NAV1: variants seen among roughly 807,000 people sequenced by gnomAD.
NAV1 encodes pore membrane and/or filament interacting like protein 3.
In NAV1, 18 loss-of-function variants were observed where a neutral mutation model predicts 175.2. The observed-to-expected ratio is 0.10, with a 90% CI of 0.07 to 0.15. The LOEUF is 0.15. Among genes scored for constraint, NAV1 ranks in the 10% least tolerant of loss-of-function variants. The pLI is 1.00. For synonymous variants in NAV1, 897 were observed against 978.7 expected (o/e 0.92, Z 1.56); for missense variants, 1,731 against 2,436.6 (o/e 0.71, Z 6.10).
At position 201,718,334 on chromosome 1, in the gene NAV1, C is replaced by A; in HGVS notation, c.861-56C>A. 6.8e-7 allele frequency: 1 copy of A among 1,460,688 alleles called. No individual in the cohort carries two copies. Among genetic ancestry groups the A allele is most frequent in the Non-Finnish European group, 9.1e-7 (1 of 1,104,846 alleles). The allele number at this position is 1,460,688 out of a possible 1,614,324, so 90.5% of individuals were successfully genotyped here. On this transcript the variant is annotated intron_variant, in intron 2 of 29. Coordinates refer to ENST00000367296, the Ensembl canonical transcript of NAV1. The surrounding 1 kb of genome is among the most constrained non-coding windows in gnomAD (Gnocchi z 4.8). ...CATTGCTGGGGTGCATGTGAGGGGACAGGGCACACGGCGGCTGTGCCAAGG... is the reference window on the plus strand; with the variant it reads ...CATTGCTGGGGTGCATGTGAGGGGAAAGGGCACACGGCGGCTGTGCCAAGG...
intron 3 of NAV1, among the ~76,000 whole-genome samples, chr1:201,742,697 A>C (rs1410837423): frequency 2.6e-5 from 4 of 152,152 alleles, no homozygotes; most frequent in African/African-American, 9.7e-5. Flanking sequence ...CACTCAACCC[A>C]CAGAGACTCC....
chr1:201,709,579 T>G (rs1246734969), intron 1 of NAV1, among the ~76,000 whole-genome samples: 2 of 151,924 alleles, frequency 1.3e-5, no homozygotes, highest in Non-Finnish European at 2.9e-5. Context: ...GAAGCCAGAC[T>G]TACCAGGGGC....
At chr1:201,628,883 G>A (rs545601694) in intron 1 of NAV1, among the ~76,000 whole-genome samples, 1 of 152,272 alleles carries the variant, frequency 6.6e-6, no homozygotes, top group Admixed American at 6.5e-5. Context: ...GATTGCAGCT[G>A]AGCCTACTCC....
At chr1:201,614,131 T>A (rs1168105509) in intron 2 of NAV1, among the ~76,000 whole-genome samples, 1 of 152,120 alleles carries the variant, frequency 6.6e-6, no homozygotes, top group Non-Finnish European at 1.5e-5. Context: ...CTGTGCAGTG[T>A]CCGTATCTCA....
intron 2 of NAV1, among the ~76,000 whole-genome samples, chr1:201,714,411 C>T (rs953688887): frequency 6.6e-6 from 1 of 152,208 alleles, no homozygotes; most frequent in Non-Finnish European, 1.5e-5. Context: ...CCCTTTACTC[C>T]CAGACATCTC....
intron 2 of NAV1, among the ~76,000 whole-genome samples, chr1:201,640,144 A>C (rs1311976976): frequency 6.6e-6 from 1 of 152,174 alleles, no homozygotes; most frequent in Non-Finnish European, 1.5e-5. Flanking sequence ...ATAGACAGGA[A>C]GACAATAAAT....
chr1:201,664,907 G>T lies in NAV1; in HGVS notation c.757+15482G>T, dbSNP rs193275987. 1.1e-3 allele frequency among the ~76,000 whole-genome samples: 163 copies of T among 152,192 alleles called. 2 individuals carry two copies. Among genetic ancestry groups the T allele is most frequent in the Admixed American group, 4.4e-3 (67 of 15,286 alleles). Reference sequence around the variant, plus strand: ...TAGAAAGCCCCCATCTCTCCTTTCTGTGTCCTTGGGCCCAGGTGTCCTTGG... The same window carrying T: ...TAGAAAGCCCCCATCTCTCCTTTCTTTGTCCTTGGGCCCAGGTGTCCTTGG... On this transcript the variant is annotated intron_variant, in intron 1 of 29. Transcript: ENST00000367296.
At chr1:201,607,870 T>TTTTGTGTGTG (rs565100210) in intron 2 of NAV1, among the ~76,000 whole-genome samples, 230 of 138,276 alleles carry the variant, frequency 1.7e-3, no homozygotes, top group African/African-American at 5.4e-3. Context: ...GATAACTTTA[T>TTTTGTGTGTG]TGTGTGTGTG....
intron 1 of NAV1, among the ~76,000 whole-genome samples, chr1:201,711,747 A>C (rs938536496): frequency 2.6e-5 from 4 of 152,218 alleles, no homozygotes; most frequent in Non-Finnish European, 5.9e-5. Context: ...TTAGGTTCCA[A>C]AATGAAAGAT....
chr1:201,816,810 C>T (rs1276776688), intron 28 of NAV1: 5 of 365,174 alleles, frequency 1.4e-5, no homozygotes, highest in South Asian at 5.3e-5. Flanking sequence ...TATATAGGCA[C>T]GCACCGCCAT....
chr1:201,548,165 G>A (rs146018221), intron 1 of NAV1, among the ~76,000 whole-genome samples: 2 of 152,302 alleles, frequency 1.3e-5, no homozygotes, highest in African/African-American at 4.8e-5. Flanking sequence ...AGGCTCTAAG[G>A]CTGGGATTTA....
intron 2 of NAV1, among the ~76,000 whole-genome samples, chr1:201,604,065 T>C (rs1667600768): frequency 6.6e-6 from 1 of 152,168 alleles, no homozygotes; most frequent in African/African-American, 2.4e-5. Context: ...TCATTTTGTT[T>C]ATTTATTTTG....
At chr1:201,657,388 A>G (rs569781367) in intron 1 of NAV1, among the ~76,000 whole-genome samples, 1 of 152,342 alleles carries the variant, frequency 6.6e-6, no homozygotes, top group African/African-American at 2.4e-5. Context: ...TGCTCTCTGG[A>G]TGCTTACAGA....
chr1:201,739,468 G>C (rs938993892), intron 3 of NAV1: 1 of 152,574 alleles, frequency 6.6e-6, no homozygotes, highest in Non-Finnish European at 1.5e-5. Context: ...AAAGGAGCCA[G>C]GAGGAGGCCG....
intron 2 of NAV1, among the ~76,000 whole-genome samples, chr1:201,634,074 T>G (rs1668549732): frequency 6.6e-6 from 1 of 152,244 alleles, no homozygotes; most frequent in Non-Finnish European, 1.5e-5. Context: ...TCTAACTCCC[T>G]ACTTGCCTTG....
At position 201,682,706 on chromosome 1, in the gene NAV1, A is replaced by G. The variant is rs142737188; in HGVS notation, c.758-30111A>G. 1.5e-3 allele frequency among the ~76,000 whole-genome samples: 225 copies of G among 152,068 alleles called. 1 individual carries two copies. The highest frequency in any genetic ancestry group is 5.0e-3 in the African/African-American group (206 of 41,470). On this transcript the variant is annotated intron_variant, in intron 1 of 29. Transcript: ENST00000367296. ...CCCGGGAATACTTTATTTTCATTAC[A>G]TGCAAGGTTGGAAAAAAAAAAAAGT...
intron 1 of NAV1, among the ~76,000 whole-genome samples, chr1:201,696,374 C>T (rs1348361826): frequency 6.6e-6 from 1 of 152,232 alleles, no homozygotes; most frequent in Non-Finnish European, 1.5e-5. Context: ...CACAACCTGC[C>T]TGCCAGACGC....
chr1:201,622,483 C>T (rs1252228122), upstream of NAV1, among the ~76,000 whole-genome samples: 1 of 152,060 alleles, frequency 6.6e-6, no homozygotes, highest in East Asian at 1.9e-4. Context: ...ATTCTAGACT[C>T]GGGGTACTAG....
intron 3 of NAV1, among the ~76,000 whole-genome samples, chr1:201,733,943 A>T (rs528742835): frequency 7.2e-5 from 11 of 152,262 alleles, no homozygotes; most frequent in African/African-American, 2.6e-4. Context: ...GATGTGATCC[A>T]ACATGTTTTG....
Sources: gnomAD v4.1 joint callset for allele counts (sites outside exome capture counted in the v4.1 genomes callset) on GRCh38, gnomAD v4.1.1 for gene constraint, Gnocchi (gnomAD v3.1) non-coding constraint, MANE v1.5 for transcripts, NCBI Gene and HGNC (gene_info 2026-07-23, HGNC 2026-07-21) for gene names.